CACNA2D1: variants seen among roughly 807,000 people sequenced by gnomAD.
The protein encoded by CACNA2D1 is calcium voltage-gated channel auxiliary subunit alpha2delta 1.
A neutral mutation model predicts 171.5 loss-of-function variants in CACNA2D1; 53 were observed. The observed-to-expected ratio is 0.31, with a 90% CI of 0.25 to 0.39. CACNA2D1 has a LOEUF of 0.39. Among genes scored for constraint, CACNA2D1 ranks in the 10% least tolerant of loss-of-function variants. The pLI is 1.00. For missense variants in CACNA2D1, 903 were observed against 1,299.8 expected (o/e 0.69, Z 4.69); for synonymous variants, 442 against 443.1 (o/e 1.00, Z 0.03).
intron 1 of CACNA2D1, among the ~76,000 whole-genome samples, chr7:82,386,483 A>G (rs1419566685): frequency 1.3e-5 from 2 of 152,186 alleles, no homozygotes; most frequent in Non-Finnish European, 2.9e-5. Context: ...ACTGTGGCTC[A>G]TGCCTTTAAT....
At chr7:82,120,468 C>G (rs1282791816) in intron 5 of CACNA2D1, among the ~76,000 whole-genome samples, 1 of 152,028 alleles carries the variant, frequency 6.6e-6, no homozygotes, top group African/African-American at 2.4e-5. Flanking sequence ...CATCACGGTC[C>G]AATGTAAAGC....
chr7:82,141,807 CAT>C (rs1419064894), intron 4 of CACNA2D1, among the ~76,000 whole-genome samples: 1 of 152,156 alleles, frequency 6.6e-6, no homozygotes, highest in Non-Finnish European at 1.5e-5. Context: ...TCAGTTTGAG[CAT>C]ATGTGTTTCT....
Position 81,949,234 on chromosome 7 carries a change from C to A in CACNA2D1, c.*1158G>T, listed in dbSNP as rs1209392820. ...GATTTATGTACTTAAAATATCTGTACATAGGTTATCAGGCGAAAGCATGAA... is the reference window on the plus strand; with the variant it reads ...GATTTATGTACTTAAAATATCTGTAAATAGGTTATCAGGCGAAAGCATGAA... On this transcript the variant is annotated 3_prime_UTR_variant, in exon 39 of 39. Coordinates refer to ENST00000356860, the MANE Select transcript of CACNA2D1 (RefSeq NM_000722.4). 2.0e-5 allele frequency: 3 copies of A among 152,034 alleles called. No homozygotes were observed. Among genetic ancestry groups the A allele is most frequent in the Non-Finnish European group, 4.4e-5 (3 of 67,954 alleles). 9.4% of individuals were successfully genotyped at this position (152,034 alleles called of 1,614,324 possible). A position where few individuals can be genotyped will look rare whatever the true frequency, so the allele number is the denominator to read the frequency against.
intron 24 of CACNA2D1, among the ~76,000 whole-genome samples, chr7:81,978,348 T>A (rs1796069685): frequency 6.6e-6 from 1 of 152,086 alleles, no homozygotes; most frequent in Admixed American, 6.5e-5. Context: ...TGCTGATCAA[T>A]GATATAGACT....
Position 82,071,143 on chromosome 7 carries a change from C to T in CACNA2D1, c.659-4619G>A, listed in dbSNP as rs114866139. Among the ~76,000 whole-genome samples the T allele has an allele frequency of 3.4e-3, 522 of 152,206 alleles. 2 individuals are homozygous for T. Among genetic ancestry groups the T allele is most frequent in the African/African-American group, 0.012 (482 of 41,528 alleles). On this transcript the variant is annotated intron_variant, in intron 7 of 38. Coordinates refer to ENST00000356860, the MANE Select transcript of CACNA2D1 (RefSeq NM_000722.4). Reference sequence around the variant, plus strand: ...ATGCTGTAGTTGAACCCTAAAGCAACTTTTGGGCTCTAAACCTGCACCAGT... The same window carrying T: ...ATGCTGTAGTTGAACCCTAAAGCAATTTTTGGGCTCTAAACCTGCACCAGT...
intron 3 of CACNA2D1, among the ~76,000 whole-genome samples, chr7:82,308,218 C>T (rs1813972722): frequency 6.6e-6 from 1 of 152,168 alleles, no homozygotes; most frequent in Admixed American, 6.5e-5. Flanking sequence ...GTCTTCTACC[C>T]AGTTCCCTTT....
chr7:82,342,098 C>A (rs999838744), intron 2 of CACNA2D1, among the ~76,000 whole-genome samples: 7 of 147,844 alleles, frequency 4.7e-5, no homozygotes, highest in African/African-American at 1.7e-4. Context: ...TGATTCTCTG[C>A]ATCTTCACTC....
chr7:81,978,503 C>G (rs932634405), intron 24 of CACNA2D1, among the ~76,000 whole-genome samples: 1 of 152,010 alleles, frequency 6.6e-6, no homozygotes, highest in African/African-American at 2.4e-5. Flanking sequence ...ACCGCATGTT[C>G]TCACTCATAA....
intron 3 of CACNA2D1, among the ~76,000 whole-genome samples, chr7:82,301,758 C>A (rs1407247267): frequency 6.6e-6 from 1 of 150,376 alleles, no homozygotes; most frequent in Non-Finnish European, 1.5e-5. Flanking sequence ...CACACACACA[C>A]ACACACACAC....
At chr7:82,093,806 A>G (rs1264591647) in intron 6 of CACNA2D1, among the ~76,000 whole-genome samples, 1 of 152,126 alleles carries the variant, frequency 6.6e-6, no homozygotes, top group East Asian at 1.9e-4. Context: ...ATACACAGGC[A>G]CACACACACA....
At chr7:82,136,304 G>C (rs1791596189) in intron 5 of CACNA2D1, among the ~76,000 whole-genome samples, 2 of 152,100 alleles carry the variant, frequency 1.3e-5, no homozygotes, top group Admixed American at 1.3e-4. Flanking sequence ...ACAGGAGCCA[G>C]GATACAGAAG....
intron 11 of CACNA2D1, among the ~76,000 whole-genome samples, chr7:82,035,219 G>A (rs1803165275): frequency 6.6e-6 from 1 of 151,684 alleles, no homozygotes; most frequent in Non-Finnish European, 1.5e-5. Flanking sequence ...CATATATATG[G>A]TAATATTTTA....
chr7:82,333,569 A>G (rs1817640979), intron 3 of CACNA2D1, among the ~76,000 whole-genome samples: 1 of 152,028 alleles, frequency 6.6e-6, no homozygotes, highest in African/African-American at 2.4e-5. Flanking sequence ...CGGGAACAGC[A>G]TGGGAAAGAC....
intron 1 of CACNA2D1, among the ~76,000 whole-genome samples, chr7:82,419,313 G>C (rs1215433487): frequency 2.6e-5 from 4 of 152,158 alleles, no homozygotes; most frequent in Admixed American, 2.0e-4. Flanking sequence ...CCCTTAGCAA[G>C]AGTGTGTGTC....
chr7:82,097,279 A>G (rs908626940), intron 6 of CACNA2D1, among the ~76,000 whole-genome samples: 1 of 152,208 alleles, frequency 6.6e-6, no homozygotes, highest in African/African-American at 2.4e-5. Flanking sequence ...AAGTTAAAAT[A>G]ATTATTCTGA....
intron 11 of CACNA2D1, among the ~76,000 whole-genome samples, chr7:82,036,856 T>C (rs1457561543): frequency 2.0e-5 from 3 of 152,210 alleles, no homozygotes; most frequent in Non-Finnish European, 4.4e-5. Flanking sequence ...GACATTATGA[T>C]CTGACTTTTT....
chr7:82,073,588 GTATTT>G lies in CACNA2D1; in HGVS notation c.659-7069_659-7065del, dbSNP rs997631110. 5.3e-4 allele frequency among the ~76,000 whole-genome samples: 81 copies of G among 152,046 alleles called. 1 individual carries two copies. Among genetic ancestry groups the G allele is most frequent in the African/African-American group, 2.0e-3 (81 of 41,516 alleles). ...TTTGGGGGCAAGTCTTCATATGTTG[GTATTT>G]TATTTATTTTATTTTAATTTTTTTG... On this transcript the variant is annotated intron_variant, in intron 7 of 38. Coordinates refer to ENST00000356860, the MANE Select transcript of CACNA2D1 (RefSeq NM_000722.4).
At chr7:82,120,785 G>C (rs565845120) in intron 5 of CACNA2D1, among the ~76,000 whole-genome samples, 5 of 146,192 alleles carry the variant, frequency 3.4e-5, no homozygotes, top group African/African-American at 1.3e-4. Flanking sequence ...TGAGGCAGGA[G>C]AATCACTTGA....
chr7:82,236,086 G>A (rs1803555427), intron 3 of CACNA2D1, among the ~76,000 whole-genome samples: 1 of 151,802 alleles, frequency 6.6e-6, no homozygotes, highest in South Asian at 2.1e-4. Flanking sequence ...CTAACATTTG[G>A]CAAAATTCTC....
Sources: gnomAD v4.1 joint callset for allele counts (sites outside exome capture counted in the v4.1 genomes callset) on GRCh38, gnomAD v4.1.1 for gene constraint, MANE v1.5 for transcripts, NCBI Gene and HGNC (gene_info 2026-07-23, HGNC 2026-07-21) for gene names.